The following ADGRV1 variants were observed in gnomAD, a reference collection of about 807,000 sequenced individuals.
ADGRV1 encodes G-protein coupled receptor 98.
ADGRV1 carries 359 observed loss-of-function variants against 596.2 expected under a neutral mutation model. The ratio of observed to expected loss-of-function variants is 0.60; its 90% CI spans 0.55 to 0.66. The LOEUF (loss-of-function observed/expected upper bound fraction) is 0.66, where lower values mean the gene tolerates loss of function less well. ADGRV1 is among the 30% of genes least tolerant of loss of function. ADGRV1 has a pLI of 0.00. For synonymous variants in ADGRV1, 2,681 were observed against 2,679.2 expected (o/e 1.00, Z -0.02); for missense variants, 7,274 against 7,575.6 (o/e 0.96, Z 1.48).
intron 68 of ADGRV1, 131 bp from the exon 69 acceptor site, chr5:90,789,571 T>G (rs1759847768): frequency 1.9e-6 from 1 of 519,724 alleles, no homozygotes; most frequent in Non-Finnish European, 3.3e-6. Context: ...GGTAGCTAAG[T>G]AGAGTATATT....
chr5:90,795,311 T>C (rs1045052166), intron 70 of ADGRV1, among the ~76,000 whole-genome samples: 11 of 151,916 alleles, frequency 7.2e-5, no homozygotes, highest in Admixed American at 6.6e-4. Context: ...TCCAGCTTGG[T>C]TGGGGGAGGA....
chr5:90,665,697 T>A (rs1580657034), intron 21 of ADGRV1, among the ~76,000 whole-genome samples: 2 of 149,566 alleles, frequency 1.3e-5, no homozygotes, highest in Admixed American at 1.3e-4. Context: ...TCCTTTTAAT[T>A]GTGATGTTAG....
intron 78 of ADGRV1, among the ~76,000 whole-genome samples, chr5:90,844,717 G>A (rs547790794): frequency 1.3e-5 from 2 of 152,272 alleles, no homozygotes; most frequent in Non-Finnish European, 2.9e-5. Context: ...ACACTTGAAA[G>A]AGCACAGGAA....
At chr5:90,644,084 C>T (rs1253381620) in intron 14 of ADGRV1, 101 bp downstream of exon 14, 3 of 855,844 alleles carry the variant, frequency 3.5e-6, no homozygotes, top group Non-Finnish European at 3.4e-6. Context: ...AGTTGCTCAC[C>T]CTGCCTTAGA....
chr5:90,712,460 C>G (rs2149722964), intron 42 of ADGRV1, 32 bp downstream of exon 42: 1 of 1,502,520 alleles, frequency 6.7e-7, no homozygotes. Flanking sequence ...ACAGCTTCCT[C>G]TCCTTCATGC....
chr5:90,716,520 A>C lies in ADGRV1; in HGVS notation c.9238A>C (p.Asn3080His), dbSNP rs1750130750. 1 of 1,611,170 alleles carries C rather than the reference A, an allele frequency of 6.2e-7. No individual in the cohort carries two copies. Among genetic ancestry groups the C allele is most frequent in the Non-Finnish European group, 8.5e-7 (1 of 1,178,310 alleles). ...CGGCCCTGGAGTTCTATCATTTAAC[A>C]ACAGTGAGCACTTTTTCCTAAGAGA... is the stretch of plus-strand genomic sequence containing the variant. ...DDGPGVLSFNNSEHFFLREPT... is the reference protein window; with the variant it reads ...DDGPGVLSFNHSEHFFLREPT... Residue 3080 changes from asparagine to histidine, a missense_variant, in exon 43 of 90, where the codon AAC (asparagine) becomes CAC (histidine). Coordinates refer to ENST00000405460, the MANE Select transcript of ADGRV1 (RefSeq NM_032119.4).
intron 1 of ADGRV1, among the ~76,000 whole-genome samples, chr5:90,593,175 A>C (rs1371800117): frequency 1.3e-5 from 2 of 152,364 alleles, no homozygotes; most frequent in African/African-American, 4.8e-5. Context: ...GGCACTGTTC[A>C]CAATAGCAAA....
chr5:90,848,724 C>T lies in ADGRV1; in HGVS notation c.17107C>T (p.Arg5703Cys), dbSNP rs761963239. Residue 5703 changes from arginine (R) to cysteine (C), a missense_variant, in exon 79 of 90, where the codon CGC becomes TGC. By Grantham distance (180) the Arg-to-Cys change is radical (BLOSUM62 -3). Around this residue, in one of 5 missense-constraint regions of ADGRV1, gnomAD observed 1,874 missense variants for 1,970.2 expected, o/e 0.95. Transcript: ENST00000405460. The part of the protein sequence containing the change: ...EILCSLINPK[R>C]KDTRGFSHFA... Reference sequence around the variant, plus strand: ...TCTTTGTTCTCTTATTAACCCAAAGCGCAAGGACACTAGGGGATTCAGTCA... The same window carrying T: ...TCTTTGTTCTCTTATTAACCCAAAGTGCAAGGACACTAGGGGATTCAGTCA... 24 of 1,588,568 alleles carry T rather than the reference C, an allele frequency of 1.5e-5. No individual in the cohort carries two copies. The highest frequency in any genetic ancestry group is 6.8e-5 in the African/African-American group (5 of 73,540).
At chr5:90,923,858 G>A (rs377554185) in intron 83 of ADGRV1, among the ~76,000 whole-genome samples, 2 of 146,360 alleles carry the variant, frequency 1.4e-5, no homozygotes, top group African/African-American at 5.1e-5. Context: ...TCAGTTCCCA[G>A]CTATGAGTGA....
chr5:90,927,314 G>A (rs1373160390), intron 83 of ADGRV1, among the ~76,000 whole-genome samples: 1 of 151,214 alleles, frequency 6.6e-6, no homozygotes, highest in African/African-American at 2.4e-5. Flanking sequence ...GAATCTGGGT[G>A]CTCCTGTATT....
At chr5:90,651,580 TTG>T in intron 17 of ADGRV1, 22 bp from the exon 18 acceptor site, 1 of 1,422,726 alleles carries the variant, frequency 7.0e-7, no homozygotes, top group Non-Finnish European at 9.5e-7. Flanking sequence ...CTTTGTTATT[TTG>T]TCTTTTCCAC....
chr5:90,835,928 C>T (rs112155041), intron 77 of ADGRV1, among the ~76,000 whole-genome samples: 162 of 152,136 alleles, frequency 1.1e-3, no homozygotes, highest in Middle Eastern at 0.01. Flanking sequence ...AGAAAGAACA[C>T]AATAAACAAA....
chr5:90,989,682 A>G (rs1462520242), intron 85 of ADGRV1, among the ~76,000 whole-genome samples: 1 of 152,174 alleles, frequency 6.6e-6, no homozygotes, highest in African/African-American at 2.4e-5. Flanking sequence ...TGTTACCTTC[A>G]AGGTTGTAGC....
In ADGRV1 at chr5:90,763,412, A is replaced by G. The variant is rs1289601144; in HGVS notation, c.12228A>G (p.Ile4076Met). 1.2e-6 allele frequency: 2 copies of G among 1,613,670 alleles called. No individual in the cohort carries two copies. The highest frequency in any genetic ancestry group is 3.3e-5 in the Admixed American group (2 of 60,010). ...GKGTVRLEWT[I>M]DEKAKHNLSP... ...GAACCGTCCGACTTGAGTGGACCAT[A>G]GATGAGAAGGCTAAACATAACCTTA... Residue 4076 changes from isoleucine (I) to methionine (M), a missense_variant, in exon 59 of 90, where the codon ATA (isoleucine) becomes ATG (methionine). Ile to Met is a conservative substitution (Grantham distance 10). Around this residue, in one of 5 missense-constraint regions of ADGRV1, gnomAD observed 3,643 missense variants for 3,809.2 expected, o/e 0.96. Transcript: ENST00000405460.
chr5:90,723,508 A>T (rs1276434973), intron 45 of ADGRV1, among the ~76,000 whole-genome samples: 1 of 152,170 alleles, frequency 6.6e-6, no homozygotes, highest in Non-Finnish European at 1.5e-5. Flanking sequence ...GGAGATTCTT[A>T]ATTGTTAGCA....
At chr5:90,991,422 A>T (rs1255234943) in intron 85 of ADGRV1, among the ~76,000 whole-genome samples, 1 of 152,134 alleles carries the variant, frequency 6.6e-6, no homozygotes, top group Non-Finnish European at 1.5e-5. Context: ...TAATTTTAAA[A>T]TTGATTACTG....
intron 17 of ADGRV1, 26 bp from the exon 18 acceptor site, chr5:90,651,578 T>C: frequency 4.9e-6 from 7 of 1,417,810 alleles, no homozygotes; most frequent in Non-Finnish European, 6.7e-6. Context: ...TTCTTTGTTA[T>C]TTTGTCTTTT....
At chr5:90,971,528 G>A (rs529165124) in intron 84 of ADGRV1, among the ~76,000 whole-genome samples, 18 of 152,342 alleles carry the variant, frequency 1.2e-4, no homozygotes, top group Admixed American at 3.3e-4. Flanking sequence ...CAAGCCAGAA[G>A]AGAGTGGGGA....
At chr5:91,075,123 A>G (rs1042481736) in intron 86 of ADGRV1, among the ~76,000 whole-genome samples, 1 of 152,044 alleles carries the variant, frequency 6.6e-6, no homozygotes, top group Non-Finnish European at 1.5e-5. Flanking sequence ...ATTTTCTCCC[A>G]TTCTGTAGGT....
Sources: allele counts gnomAD v4.1 joint callset (sites outside exome capture counted in the v4.1 genomes callset), GRCh38; gene constraint gnomAD v4.1.1; regional missense constraint gnomAD v4.1.1; transcripts MANE v1.5; gene names NCBI Gene and HGNC (gene_info 2026-07-23, HGNC 2026-07-21).